The following KPNA7 variants were observed in gnomAD, a reference collection of about 807,000 sequenced individuals.
KPNA7 encodes the protein karyopherin subunit alpha 7.
A neutral mutation model predicts 53.7 loss-of-function variants in KPNA7; 54 were observed. The observed-to-expected ratio is 1.01, with a 90% CI of 0.81 to 1.26. KPNA7 has a LOEUF of 1.26. KPNA7 is among the 50% of genes most tolerant of loss of function. The pLI is 0.00. For missense variants in KPNA7, 640 were observed against 644.5 expected (o/e 0.99, Z 0.07); for synonymous variants, 276 against 259.3 (o/e 1.06, Z -0.62).
chr7:99,173,085 GA>G (rs1798801668), downstream of KPNA7, among the ~76,000 whole-genome samples: 1 of 110,624 alleles, frequency 9.0e-6, no homozygotes, highest in South Asian at 3.2e-4. Context: ...AAAAAAAAAA[GA>G]AAAAGAAAAA....
intron 3 of KPNA7, among the ~76,000 whole-genome samples, chr7:99,201,042 G>A (rs773004233): frequency 3.3e-5 from 5 of 152,198 alleles, no homozygotes; most frequent in Non-Finnish European, 7.3e-5. Flanking sequence ...AAGGAATGAA[G>A]TATTGATATA....
At chr7:99,190,345 A>G (rs190215316) in intron 6 of KPNA7, among the ~76,000 whole-genome samples, 1 of 151,678 alleles carries the variant, frequency 6.6e-6, no homozygotes, top group Non-Finnish European at 1.5e-5. Flanking sequence ...CAAAAAAAAA[A>G]AAAAGCAGAA....
chr7:99,158,794 ACT>A, the KPNA7 span, among the ~76,000 whole-genome samples: 1 of 151,750 alleles, frequency 6.6e-6, no homozygotes, highest in Non-Finnish European at 1.5e-5. Flanking sequence ...GAGCTACCAC[ACT>A]CAGCCCAGTT....
intron 10 of KPNA7, among the ~76,000 whole-genome samples, chr7:99,176,399 G>C (rs1196191561): frequency 6.6e-6 from 1 of 151,672 alleles, no homozygotes; most frequent in Non-Finnish European, 1.5e-5. Flanking sequence ...CATGAGATTA[G>C]CTATTACCAA....
downstream of KPNA7, among the ~76,000 whole-genome samples, chr7:99,168,807 T>C (rs1195060497): frequency 2.0e-5 from 3 of 152,186 alleles, no homozygotes; most frequent in Non-Finnish European, 2.9e-5. Flanking sequence ...TGTGTTTCCT[T>C]ACCTTTGACA....
chr7:99,173,264 C>T (rs1798805651), downstream of KPNA7, among the ~76,000 whole-genome samples: 1 of 151,960 alleles, frequency 6.6e-6, no homozygotes, highest in East Asian at 1.9e-4. Context: ...CATCTCAGTT[C>T]ACTGCAACCT....
intron 9 of KPNA7, among the ~76,000 whole-genome samples, chr7:99,178,455 G>T (rs1014121790): frequency 6.6e-6 from 1 of 151,928 alleles, no homozygotes; most frequent in South Asian, 2.1e-4. Context: ...TGTAATTCCA[G>T]CTACTCAGGA....
intron 8 of KPNA7, among the ~76,000 whole-genome samples, chr7:99,182,726 A>G (rs1399536689): frequency 6.6e-6 from 1 of 152,216 alleles, no homozygotes; most frequent in African/African-American, 2.4e-5. Flanking sequence ...CTCTAAGATC[A>G]GATAGGCTCA....
chr7:99,171,252 T>C (rs1428712635), downstream of KPNA7, among the ~76,000 whole-genome samples: 2 of 152,076 alleles, frequency 1.3e-5, no homozygotes, highest in African/African-American at 4.8e-5. Context: ...GTACATGTTT[T>C]TGGATGAGCA....
chr7:99,214,584 C>T (rs1309425309), intron 1 of KPNA7, among the ~76,000 whole-genome samples: 2 of 137,812 alleles, frequency 1.5e-5, no homozygotes, highest in Non-Finnish European at 1.5e-5. Context: ...GCAGAGATCA[C>T]GCCACTGCAA....
chr7:99,189,624 T>G (rs1368925433), intron 6 of KPNA7, among the ~76,000 whole-genome samples: 1 of 152,018 alleles, frequency 6.6e-6, no homozygotes, highest in Non-Finnish European at 1.5e-5. Flanking sequence ...TTGTTGGGGT[T>G]TTTTGTTTGT....
upstream of KPNA7, among the ~76,000 whole-genome samples, chr7:99,211,890 C>T (rs772416490): frequency 7.2e-5 from 11 of 152,158 alleles, no homozygotes; most frequent in South Asian, 1.7e-3. Context: ...TCCCACTCTC[C>T]GATCTCAAAG....
Position 99,173,728 on chromosome 7 carries a change from C to T in KPNA7, c.1531G>A (p.Glu511Lys), listed in dbSNP as rs367591876. 15 of 1,551,214 alleles carry T rather than the reference C, an allele frequency of 9.7e-6. No homozygotes were observed. The Middle Eastern group carries it at 1.0e-3, about 103-fold the overall frequency. ...IDQDYEFIDY[E>K]CLAKK ...CTTGGCTATTTTTTTGCTAAGCATTCATAATCTATAAATTCATAATCTTGG... is the reference window on the plus strand; with the variant it reads ...CTTGGCTATTTTTTTGCTAAGCATTTATAATCTATAAATTCATAATCTTGG... The change falls in exon 11 of 11, where the codon GAA becomes AAA. Residue 511 changes from glutamate (E) to lysine (K), a missense_variant. By Grantham distance (56) the Glu-to-Lys change is moderately conservative. Transcript: ENST00000327442.
At chr7:99,218,826 C>T (rs1247002899) in intron 1 of KPNA7, among the ~76,000 whole-genome samples, 1 of 152,358 alleles carries the variant, frequency 6.6e-6, no homozygotes, top group Non-Finnish European at 1.5e-5. Context: ...AGCTGCCTGG[C>T]TCATTACCCG....
intron 6 of KPNA7, 108 bp from the exon 7 acceptor site, chr7:99,188,671 G>T: frequency 8.6e-7 from 1 of 1,167,214 alleles, no homozygotes; most frequent in Non-Finnish European, 1.2e-6. Flanking sequence ...ATGAACCAGA[G>T]CTTTTTAAAA....
chr7:99,146,737 AAAAAAAAAAAAC>A, the KPNA7 span, among the ~76,000 whole-genome samples: 146 of 113,184 alleles, frequency 1.3e-3, no homozygotes, highest in Non-Finnish European at 2.3e-3. Context: ...AAAAAAAAAA[AAAAAAAAAAAAC>A]AACGGAAAAT....
In KPNA7 at chr7:99,191,606, G is replaced by A. The variant is rs1344844437; in HGVS notation, c.636+1413C>T. 3.3e-5 allele frequency among the ~76,000 whole-genome samples: 5 copies of A among 152,004 alleles called. No individual in the cohort carries two copies. In the East Asian group the frequency reaches 9.7e-4, roughly 29 times the overall value. On this transcript the variant is annotated intron_variant, in intron 6 of 10. Coordinates refer to ENST00000327442, the MANE Select transcript of KPNA7 (RefSeq NM_001145715.3). ...AGTGTTCTCTACTTAAACTCTCTCG[G>A]TCATGGCTAGTCTTTTATTGGTTCA...
chr7:99,205,194 C>T (rs1340845214), intron 2 of KPNA7, among the ~76,000 whole-genome samples: 1 of 151,422 alleles, frequency 6.6e-6, no homozygotes, highest in Non-Finnish European at 1.5e-5. Context: ...GAGGCCGAGG[C>T]AGGGGGATCA....
At chr7:99,204,223 T>C (rs1790685729) in intron 2 of KPNA7, among the ~76,000 whole-genome samples, 1 of 151,830 alleles carries the variant, frequency 6.6e-6, no homozygotes, top group South Asian at 2.1e-4. Flanking sequence ...TACCAAAAAA[T>C]TAGCTGGGCA....
Sources: gnomAD v4.1 joint callset for allele counts (sites outside exome capture counted in the v4.1 genomes callset) on GRCh38, gnomAD v4.1.1 for gene constraint, MANE v1.5 for transcripts, NCBI Gene and HGNC (gene_info 2026-07-23, HGNC 2026-07-21) for gene names.